The following BICRAL variants were observed in gnomAD, a reference collection of about 807,000 sequenced individuals.
BICRAL encodes BICRA like chromatin remodeling complex associated protein.
Under a neutral mutation model 91.8 loss-of-function variants are expected in BICRAL, and 8 were observed. That is an observed-to-expected ratio of 0.09 (90% CI 0.05 to 0.16). The LOEUF is 0.16. Ranked by LOEUF, BICRAL falls within the 10% of genes least tolerant of loss-of-function variation. The pLI is 1.00. For synonymous variants in BICRAL, 445 were observed against 491.1 expected, an observed-to-expected ratio of 0.91 and a Z score of 1.24; for missense variants, 1,038 against 1,310.9, an observed-to-expected ratio of 0.79 and a Z score of 3.21.
rs940725870 is a variant in BICRAL at position 42,749,738 on chromosome 6, C to A, written c.-261+2715C>A. ...ACTGAGAATCTTGTTTCCTGTAAAGCCCTAGTCACTTCCCCACCTCTCACC... is the reference window on the plus strand; with the variant it reads ...ACTGAGAATCTTGTTTCCTGTAAAGACCTAGTCACTTCCCCACCTCTCACC... On this transcript the variant is annotated intron_variant, in intron 1 of 14. Transcript: ENST00000614467. 1.1e-4 allele frequency among the ~76,000 whole-genome samples: 17 copies of A among 152,178 alleles called. No individual in the cohort carries two copies. In the South Asian group the frequency reaches 3.5e-3, roughly 32 times the overall value.
At chr6:42,786,390 C>T (rs1277073824) in intron 1 of BICRAL, among the ~76,000 whole-genome samples, 1 of 152,138 alleles carries the variant, frequency 6.6e-6, no homozygotes, top group Non-Finnish European at 1.5e-5. Context: ...AGGGAAGTCA[C>T]TTCTGGTTTT....
chr6:42,750,579 G>A (rs1762362201), intron 1 of BICRAL, among the ~76,000 whole-genome samples: 1 of 152,000 alleles, frequency 6.6e-6, no homozygotes, highest in Non-Finnish European at 1.5e-5. Flanking sequence ...CATAATATAC[G>A]TTTGCTTTTT....
At chr6:42,826,016 G>A (rs1348416300) in intron 5 of BICRAL, among the ~76,000 whole-genome samples, 2 of 151,846 alleles carry the variant, frequency 1.3e-5, no homozygotes, top group East Asian at 1.9e-4. Flanking sequence ...CCAGGAAGGC[G>A]GAAGTTGCAG....
At chr6:42,759,341 C>G (rs939544184) in intron 1 of BICRAL, among the ~76,000 whole-genome samples, 1 of 152,132 alleles carries the variant, frequency 6.6e-6, no homozygotes, top group Admixed American at 6.5e-5. Flanking sequence ...CCTTTTTTCC[C>G]CCTTTAACAA....
At chr6:42,853,575 G>A in intron 7 of BICRAL, 63 bp from the exon 8 acceptor site, 1 of 1,193,616 alleles carries the variant, frequency 8.4e-7, no homozygotes, top group Non-Finnish European at 1.3e-6. Context: ...GGGTTCTAGG[G>A]TTATATGATG....
intron 6 of BICRAL, among the ~76,000 whole-genome samples, chr6:42,848,339 T>C (rs1175180694): frequency 6.6e-6 from 1 of 150,524 alleles, no homozygotes; most frequent in Non-Finnish European, 1.5e-5. Flanking sequence ...GGCTTGAGCC[T>C]GGGAGGTCAA....
intron 9 of BICRAL, among the ~76,000 whole-genome samples, 182 bp from the exon 10 acceptor site, chr6:42,856,909 T>A (rs1238955268): frequency 2.0e-5 from 3 of 152,154 alleles, no homozygotes; most frequent in Non-Finnish European, 2.9e-5. Flanking sequence ...AGGGTCATAG[T>A]TTGAGTCCTC....
rs1232777835 is a variant in BICRAL at position 42,821,946 on chromosome 6, T to C, written c.-5-72T>C. ...ATCCAGAAAAGTGTAAGGCATACTT[T>C]TGTATTGCATTGATACTACTGTCTT... is the stretch of plus-strand genomic sequence containing the variant. On this transcript the variant is annotated intron_variant, in intron 2 of 12. Coordinates refer to ENST00000314073, the MANE Select transcript of BICRAL (RefSeq NM_001393499.1). 9.1e-5 allele frequency: 79 copies of C among 864,184 alleles called. 1 individual carries two copies. In the Admixed American group the frequency reaches 1.5e-3, roughly 17 times the overall value. 53.5% of individuals were successfully genotyped at this position (864,184 alleles called of 1,614,324 possible). A position where few individuals can be genotyped will look rare whatever the true frequency, so the allele number is the denominator to read the frequency against.
At chr6:42,834,042 C>T (rs140638588) in intron 6 of BICRAL, among the ~76,000 whole-genome samples, 2,558 of 151,972 alleles carry the variant, frequency 0.017, 10 homozygotes, top group African/African-American at 0.021. Context: ...TTGGTAGAGA[C>T]GTGGTTTCTC....
intron 1 of BICRAL, among the ~76,000 whole-genome samples, chr6:42,776,376 C>T (rs2113850837): frequency 6.6e-6 from 1 of 151,692 alleles, no homozygotes; most frequent in South Asian, 2.1e-4. Flanking sequence ...GAGACAGGGT[C>T]TTGCTCTGTC....
At chr6:42,831,991 G>A (rs576330965) in intron 6 of BICRAL, among the ~76,000 whole-genome samples, 15 of 151,714 alleles carry the variant, frequency 9.9e-5, no homozygotes, top group Middle Eastern at 3.4e-3. Flanking sequence ...TGCCCGCCTC[G>A]ACCTCCCAAA....
intron 11 of BICRAL, among the ~76,000 whole-genome samples, chr6:42,862,140 G>C (rs1765572466): frequency 6.6e-6 from 1 of 151,978 alleles, no homozygotes; most frequent in South Asian, 2.1e-4. Context: ...AGTTCAAAAA[G>C]ATTTCTAAGA....
chr6:42,855,989 C>T (rs1056133958), intron 9 of BICRAL, 72 bp downstream of exon 9: 31 of 1,180,158 alleles, frequency 2.6e-5, no homozygotes, highest in Non-Finnish European at 3.4e-5. Context: ...ATAAATATAC[C>T]ACAGAAAACA....
intron 1 of BICRAL, among the ~76,000 whole-genome samples, chr6:42,774,776 G>A (rs930760457): frequency 2.0e-5 from 3 of 151,952 alleles, no homozygotes; most frequent in Admixed American, 2.0e-4. Flanking sequence ...TAAGAATGTG[G>A]CTCTTTAGTG....
chr6:42,849,589 A>G (rs1765115867), intron 6 of BICRAL, among the ~76,000 whole-genome samples: 1 of 151,416 alleles, frequency 6.6e-6, no homozygotes, highest in Non-Finnish European at 1.5e-5. Context: ...ATAGGTGCCC[A>G]CCACCACGCC....
intron 1 of BICRAL, among the ~76,000 whole-genome samples, chr6:42,753,139 C>T (rs1222851297): frequency 6.6e-6 from 1 of 151,474 alleles, no homozygotes; most frequent in Non-Finnish European, 1.5e-5. Flanking sequence ...GTTGGCCAGG[C>T]TGGTCTCGAA....
At chr6:42,864,086 G>T (rs1765636369) in intron 12 of BICRAL, among the ~76,000 whole-genome samples, 1 of 151,582 alleles carries the variant, frequency 6.6e-6, no homozygotes, top group African/African-American at 2.4e-5. Context: ...AGAATCGCTT[G>T]AACCGAGGAG....
At chr6:42,840,863 C>G (rs1172752852) in intron 6 of BICRAL, among the ~76,000 whole-genome samples, 1 of 151,524 alleles carries the variant, frequency 6.6e-6, no homozygotes, top group Non-Finnish European at 1.5e-5. Flanking sequence ...CACTTGAGGT[C>G]AGGAGTTCAA....
intron 6 of BICRAL, among the ~76,000 whole-genome samples, chr6:42,836,139 C>T (rs1034015998): frequency 2.6e-5 from 4 of 152,098 alleles, no homozygotes; most frequent in East Asian, 1.9e-4. Flanking sequence ...ACCTGCAACA[C>T]GCCATAGACG....
Sources: allele counts gnomAD v4.1 joint callset (sites outside exome capture counted in the v4.1 genomes callset), GRCh38; gene constraint gnomAD v4.1.1; transcripts MANE v1.5; gene names NCBI Gene and HGNC (gene_info 2026-07-23, HGNC 2026-07-21).